The following NCOA1 variants were observed in gnomAD, a reference collection of about 807,000 sequenced individuals.
NCOA1 encodes the protein Hin-2 protein.
A neutral mutation model predicts 150.9 loss-of-function variants in NCOA1; 35 were observed. That is an observed-to-expected ratio of 0.23 (90% CI 0.18 to 0.31). The LOEUF (loss-of-function observed/expected upper bound fraction) is 0.31, where lower values mean the gene tolerates loss of function less well. Ranked by LOEUF, NCOA1 falls within the 10% of genes least tolerant of loss-of-function variation. The probability of loss-of-function intolerance (pLI) is 1.00; values close to 1 mark genes in which losing one functional copy is unlikely to be tolerated. For missense variants in NCOA1, 1,491 were observed against 1,749.3 expected (o/e 0.85, Z 2.63); for synonymous variants, 590 against 630.0 (o/e 0.94, Z 0.95).
chr2:24,701,374 G>A (rs570279636), intron 11 of NCOA1, among the ~76,000 whole-genome samples: 9 of 151,954 alleles, frequency 5.9e-5, no homozygotes, highest in Non-Finnish European at 8.8e-5. Context: ...GCTAGGCGTG[G>A]CACACAGGTA....
chr2:24,649,617 A>T (rs2148474615), intron 4 of NCOA1, among the ~76,000 whole-genome samples: 1 of 152,356 alleles, frequency 6.6e-6, no homozygotes, highest in African/African-American at 2.4e-5. Flanking sequence ...ATATACTAGG[A>T]ATATTTTAAT....
chr2:24,607,142 A>G (rs1668403424), intron 3 of NCOA1, among the ~76,000 whole-genome samples: 1 of 151,632 alleles, frequency 6.6e-6, no homozygotes, highest in Non-Finnish European at 1.5e-5. Context: ...GGAAACCCTG[A>G]ATTTTGGAGA....
chr2:24,544,706 T>C (rs1665538361), intron 1 of NCOA1, among the ~76,000 whole-genome samples: 4 of 152,092 alleles, frequency 2.6e-5, no homozygotes, highest in Non-Finnish European at 5.9e-5. Flanking sequence ...GCTGCTGCAC[T>C]CCTCCCTGGG....
At chr2:24,610,601 G>C (rs1007621531) in intron 3 of NCOA1, among the ~76,000 whole-genome samples, 1 of 151,314 alleles carries the variant, frequency 6.6e-6, no homozygotes, top group Admixed American at 6.6e-5. Context: ...ATATTCTCTC[G>C]AGCTTTACTA....
chr2:24,527,899 G>A (rs867177548), intron 1 of NCOA1, among the ~76,000 whole-genome samples: 1 of 152,068 alleles, frequency 6.6e-6, no homozygotes, highest in Non-Finnish European at 1.5e-5. Flanking sequence ...GTTTTGATTT[G>A]CATTTCCCTT....
At chr2:24,660,050 A>G (rs943987473) in intron 5 of NCOA1, among the ~76,000 whole-genome samples, 4 of 152,142 alleles carry the variant, frequency 2.6e-5, no homozygotes, top group African/African-American at 9.7e-5. Flanking sequence ...AAAAGTGACT[A>G]TTTATCTTAC....
At chr2:24,565,763 C>G (rs1442022921) in intron 2 of NCOA1, among the ~76,000 whole-genome samples, 1 of 152,190 alleles carries the variant, frequency 6.6e-6, no homozygotes, top group Non-Finnish European at 1.5e-5. Context: ...GGGGTCTGGC[C>G]ACTGTGCACA....
chr2:24,598,241 C>T (rs973162914), intron 3 of NCOA1, among the ~76,000 whole-genome samples: 1 of 152,008 alleles, frequency 6.6e-6, no homozygotes, highest in African/African-American at 2.4e-5. Flanking sequence ...ATAAAATTAA[C>T]CAATTAAGTG....
intron 18 of NCOA1, among the ~76,000 whole-genome samples, chr2:24,741,280 G>A (rs1368755406): frequency 6.6e-6 from 1 of 152,076 alleles, no homozygotes. Context: ...CTGGGATAAT[G>A]TTCTCAGTGA....
chr2:24,684,197 C>A (rs1055040053), intron 8 of NCOA1, among the ~76,000 whole-genome samples: 2 of 152,124 alleles, frequency 1.3e-5, no homozygotes, highest in Admixed American at 1.3e-4. Flanking sequence ...CTCTACTGTT[C>A]ACAAATTTTG....
chr2:24,537,023 A>T (rs1480348908), intron 1 of NCOA1, among the ~76,000 whole-genome samples: 2 of 152,054 alleles, frequency 1.3e-5, no homozygotes, highest in Admixed American at 6.6e-5. Context: ...ATTGGGTATA[A>T]CGTATGCTAC....
chr2:24,611,232 T>C (rs770950700), intron 3 of NCOA1, among the ~76,000 whole-genome samples: 4 of 152,248 alleles, frequency 2.6e-5, no homozygotes, highest in Non-Finnish European at 5.9e-5. Flanking sequence ...CTTGTTAATT[T>C]GCTTAGAATA....
intron 2 of NCOA1, among the ~76,000 whole-genome samples, chr2:24,579,605 G>A (rs894742414): frequency 6.6e-6 from 1 of 152,154 alleles, no homozygotes; most frequent in African/African-American, 2.4e-5. Context: ...CTATAAGTCT[G>A]AATCATGTTT....
intron 1 of NCOA1, among the ~76,000 whole-genome samples, chr2:24,505,994 A>G (rs1291565719): frequency 6.6e-6 from 1 of 151,808 alleles, no homozygotes; most frequent in Non-Finnish European, 1.5e-5. Flanking sequence ...TCACTCTCAC[A>G]TGCTTGAATG....
At chr2:24,697,068 A>G (rs2148572470) in intron 10 of NCOA1, among the ~76,000 whole-genome samples, 1 of 152,230 alleles carries the variant, frequency 6.6e-6, no homozygotes, top group South Asian at 2.1e-4. Flanking sequence ...GCGAATCACC[A>G]CTAAATTTTA....
chr2:24,539,975 G>A (rs1290375926), intron 1 of NCOA1, among the ~76,000 whole-genome samples: 1 of 152,196 alleles, frequency 6.6e-6, no homozygotes, highest in African/African-American at 2.4e-5. Flanking sequence ...TATGAGAGTA[G>A]GAAGCAGTTG....
At chr2:24,739,621 C>A in intron 18 of NCOA1, 88 bp downstream of exon 18, 3 of 916,146 alleles carry the variant, frequency 3.3e-6, no homozygotes, top group South Asian at 1.5e-5. Context: ...TTGAAATGGT[C>A]TGTGAGCTGA....
intron 1 of NCOA1, among the ~76,000 whole-genome samples, chr2:24,564,094 A>G (rs1666397801): frequency 6.6e-6 from 1 of 152,222 alleles, no homozygotes; most frequent in Admixed American, 6.5e-5. Flanking sequence ...TCAACTTGAT[A>G]TATTTATCTA....
At chr2:24,747,154 G>A (rs1224537775) in intron 19 of NCOA1, among the ~76,000 whole-genome samples, 1 of 151,928 alleles carries the variant, frequency 6.6e-6, no homozygotes, top group Non-Finnish European at 1.5e-5. Context: ...AAGGGAAACT[G>A]TTCATTCCAA....
Sources: allele counts gnomAD v4.1 joint callset (sites outside exome capture counted in the v4.1 genomes callset), GRCh38; gene constraint gnomAD v4.1.1; transcripts MANE v1.5; gene names NCBI Gene and HGNC (gene_info 2026-07-23, HGNC 2026-07-21).